AP2A2: variants seen among roughly 807,000 people sequenced by gnomAD.
AP2A2 encodes AP-2 complex subunit alpha-2.
AP2A2 carries 32 observed loss-of-function variants against 104.2 expected under a neutral mutation model. The observed-to-expected ratio is 0.31, with a 90% CI of 0.23 to 0.41. The LOEUF (loss-of-function observed/expected upper bound fraction) is 0.41, where lower values mean the gene tolerates loss of function less well. Among genes scored for constraint, AP2A2 ranks in the 10% least tolerant of loss-of-function variants. The pLI, the probability that AP2A2 is intolerant of heterozygous loss-of-function variation, is 1.00. For missense variants in AP2A2, 912 were observed against 1,261.0 expected (o/e 0.72, Z 4.19); for synonymous variants, 539 against 533.3 (o/e 1.01, Z -0.15).
intron 1 of AP2A2, chr11:943,242 C>G (rs1273005318): frequency 6.6e-6 from 1 of 152,186 alleles, no homozygotes; most frequent in Admixed American, 6.6e-5. Flanking sequence ...TGAGCAATTC[C>G]TGTCCCTCTT....
Position 993,242 on chromosome 11 carries a change from G to A in AP2A2, c.1453-42G>A. 1.3e-6 allele frequency: 2 copies of A among 1,540,294 alleles called. No homozygotes were observed. The highest frequency in any genetic ancestry group is 1.8e-6 in the Non-Finnish European group (2 of 1,136,372). Reference sequence around the variant, plus strand: ...GACGTGCCCGCCTCGCCTTAACTCTGGCACCTGGCTGCCACCCCGGCTCAT... The same window carrying A: ...GACGTGCCCGCCTCGCCTTAACTCTAGCACCTGGCTGCCACCCCGGCTCAT... On this transcript the variant is annotated intron_variant, in intron 11 of 21. Coordinates refer to ENST00000448903, the MANE Select transcript of AP2A2 (RefSeq NM_012305.4). This position sits in a 1 kb window ranked among gnomAD's most constrained non-coding sequence, Gnocchi z 8.2.
chr11:1,009,042 C>T, intron 18 of AP2A2, 58 bp from the exon 19 acceptor site: 1 of 1,424,976 alleles, frequency 7.0e-7, no homozygotes. Flanking sequence ...TTTCCCGGTC[C>T]CTGGGGCTCT....
intron 2 of AP2A2, 73 bp from the exon 3 acceptor site, chr11:970,096 A>C (rs1445407072): frequency 9.1e-6 from 14 of 1,541,728 alleles, no homozygotes. Flanking sequence ...GTACTGCTGC[A>C]CTGCCCTCTG....
At chr11:994,983 C>T (rs1182771328) in intron 14 of AP2A2, among the ~76,000 whole-genome samples, 1 of 142,792 alleles carries the variant, frequency 7.0e-6, no homozygotes, top group African/African-American at 2.5e-5. Flanking sequence ...ACTGTCCCTG[C>T]TGGACGCCCC....
Position 1,000,160 on chromosome 11 carries a change from G to A in AP2A2, c.1957-272G>A, listed in dbSNP as rs569178990. Among the ~76,000 whole-genome samples, 6 of 152,142 alleles carry A rather than the reference G, an allele frequency of 3.9e-5. No homozygotes were observed. The East Asian group carries it at 7.7e-4, about 20-fold the overall frequency. On this transcript the variant is annotated intron_variant, in intron 14 of 21. Coordinates refer to ENST00000448903, the MANE Select transcript of AP2A2 (RefSeq NM_012305.4). ...TTTGAGAATTTTTTTCATTCAAATA[G>A]CATTTGTGAAAAAATGTAGGGTGCC...
chr11:996,170 G>A (rs1180219258), intron 14 of AP2A2: 1 of 152,286 alleles, frequency 6.6e-6, no homozygotes, highest in African/African-American at 2.4e-5. Context: ...CCTTCCCGTG[G>A]GTGCTGGGCC....
In AP2A2 at chr11:1,000,365, G is replaced by A. The variant is rs941572129; in HGVS notation, c.1957-67G>A. ...GTGCCATGGGGGAGGACGTGCAGGCGTGAGCTGCCTGGGGTTGGCCAGGCC... is the reference window on the plus strand; with the variant it reads ...GTGCCATGGGGGAGGACGTGCAGGCATGAGCTGCCTGGGGTTGGCCAGGCC... On this transcript the variant is annotated intron_variant, in intron 14 of 21. Transcript: ENST00000448903. 5.3e-6 allele frequency: 8 copies of A among 1,497,020 alleles called. No individual in the cohort carries two copies. In the Admixed American group the frequency reaches 1.4e-4, roughly 26 times the overall value. 92.7% of individuals were successfully genotyped at this position (1,497,020 alleles called of 1,614,324 possible).
At chr11:999,450 G>A (rs1019317152) in intron 14 of AP2A2, among the ~76,000 whole-genome samples, 1 of 152,160 alleles carries the variant, frequency 6.6e-6, no homozygotes, top group Non-Finnish European at 1.5e-5. Context: ...GTTGCAGTGA[G>A]CCCACACCAG....
At chr11:990,487 T>TC (rs1855608875) in intron 10 of AP2A2, among the ~76,000 whole-genome samples, 1 of 152,140 alleles carries the variant, frequency 6.6e-6, no homozygotes, top group Non-Finnish European at 1.5e-5. Context: ...GCAGTGTGCT[T>TC]CTGAGTGCAG....
At chr11:1,000,158 T>G (rs552554890) in intron 14 of AP2A2, among the ~76,000 whole-genome samples, 1 of 152,208 alleles carries the variant, frequency 6.6e-6, no homozygotes. Context: ...TTCATTCAAA[T>G]AGCATTTGTG....
intron 21 of AP2A2, chr11:1,010,263 C>G: frequency 1.8e-6 from 1 of 544,862 alleles, no homozygotes; most frequent in Non-Finnish European, 3.3e-6. Flanking sequence ...TGCTGTCGCC[C>G]AGGGCCTGTG....
intron 1 of AP2A2, among the ~76,000 whole-genome samples, chr11:932,316 A>G (rs1853316288): frequency 6.6e-6 from 1 of 152,240 alleles, no homozygotes; most frequent in Non-Finnish European, 1.5e-5. Context: ...ACTAAAGTTA[A>G]ATTTTATTTG....
chr11:978,426 C>A (rs566607542), intron 5 of AP2A2, among the ~76,000 whole-genome samples: 1 of 152,206 alleles, frequency 6.6e-6, no homozygotes, highest in Non-Finnish European at 1.5e-5. Context: ...AAGGGCACCT[C>A]TCCTTGGATA....
intron 18 of AP2A2, 111 bp from the exon 19 acceptor site, chr11:1,008,989 C>G: frequency 1.2e-6 from 1 of 863,842 alleles, no homozygotes; most frequent in Non-Finnish European, 1.8e-6. Flanking sequence ...CCGACCCGCT[C>G]TGGTGGGTGG....
intron 2 of AP2A2, among the ~76,000 whole-genome samples, chr11:962,681 C>T (rs10794356): frequency 0.51 from 76,868 of 151,650 alleles, 20,107 homozygotes; most frequent in Middle Eastern, 0.66. Context: ...TGCAGTGAGC[C>T]GAGATCTCGC....
At chr11:971,695 A>T (rs1403471942) in intron 3 of AP2A2, among the ~76,000 whole-genome samples, 2 of 152,130 alleles carry the variant, frequency 1.3e-5, no homozygotes, top group African/African-American at 4.8e-5. Context: ...CCTCTCAGTG[A>T]AGGTTCCTGC....
chr11:1,008,092 G>T lies in AP2A2; in HGVS notation c.2377G>T (p.Val793Leu). The change falls in exon 18 of 22, where the codon GTG (valine) becomes TTG (leucine). Residue 793 changes from valine to leucine, a missense_variant. Physicochemically the swap from Val to Leu is conservative, Grantham distance 32. Coordinates refer to ENST00000448903, the MANE Select transcript of AP2A2 (RefSeq NM_012305.4). ...GCAGCAGGTGGTCAACATAGAGTGC[G>T]TGTCCGACTTCACGGAGGCGCCAGT... Reference protein sequence around the residue: ...QVQQVVNIECVSDFTEAPVLN... With the variant: ...QVQQVVNIECLSDFTEAPVLN... The T allele has an allele frequency of 6.2e-7, 1 of 1,604,774 alleles. No homozygotes were observed. The highest frequency in any genetic ancestry group is 1.1e-5 in the South Asian group (1 of 89,312).
At chr11:970,067 C>T in intron 2 of AP2A2, 102 bp from the exon 3 acceptor site, 1 of 1,334,618 alleles carries the variant, frequency 7.5e-7, no homozygotes, top group South Asian at 1.4e-5. Context: ...CTCCTGGAGG[C>T]TTGTCCGTGC....
chr11:1,000,475 C>G lies in AP2A2; in HGVS notation c.2000C>G (p.Ala667Gly), dbSNP rs752700478. 1.3e-6 allele frequency: 2 copies of G among 1,538,442 alleles called. No homozygotes were observed. The highest frequency in any genetic ancestry group is 1.7e-6 in the Non-Finnish European group (2 of 1,145,838). ...PSADLLGLGA[A>G]PPAPAGPPPS... ...GCAGACCTGCTGGGTCTCGGGGCTG[C>G]CCCCCCTGCCCCCGCGGGCCCCCCA... Residue 667 changes from alanine (A) to glycine (G), a missense_variant, in exon 15 of 22, where the codon GCC becomes GGC. Ala to Gly is a moderately conservative substitution (Grantham distance 60). Transcript: ENST00000448903.
Sources: gnomAD v4.1 joint callset for allele counts (sites outside exome capture counted in the v4.1 genomes callset) on GRCh38, gnomAD v4.1.1 for gene constraint, Gnocchi (gnomAD v3.1) non-coding constraint, MANE v1.5 for transcripts, NCBI Gene and HGNC (gene_info 2026-07-23, HGNC 2026-07-21) for gene names.